KIAA1217: variants seen among roughly 807,000 people sequenced by gnomAD.
The protein encoded by KIAA1217 is KIAA1217, also known as sickle tail protein homolog.
In KIAA1217, 88 loss-of-function variants were observed where a neutral mutation model predicts 163.9. The ratio of observed to expected loss-of-function variants is 0.54; its 90% CI spans 0.45 to 0.64. The LOEUF is 0.64. KIAA1217 is among the 30% of genes least tolerant of loss of function. The pLI is 0.00. For missense variants in KIAA1217, 2,372 were observed against 2,475.0 expected, an observed-to-expected ratio of 0.96 and a Z score of 0.88; for synonymous variants, 903 against 923.1, an observed-to-expected ratio of 0.98 and a Z score of 0.39.
At chr10:24,159,932 A>C (rs1331990815) in intron 2 of KIAA1217, among the ~76,000 whole-genome samples, 4 of 152,310 alleles carry the variant, frequency 2.6e-5, no homozygotes, top group African/African-American at 9.6e-5. Flanking sequence ...TTTGATATCT[A>C]ATTGTTCTAG....
intron 2 of KIAA1217, among the ~76,000 whole-genome samples, chr10:24,131,876 T>C (rs1053394977): frequency 6.6e-6 from 1 of 152,126 alleles, no homozygotes; most frequent in African/African-American, 2.4e-5. Flanking sequence ...ATTTTAGAAG[T>C]GTATCATTAG....
chr10:23,794,201 A>G (rs1370640984), intron 1 of KIAA1217, among the ~76,000 whole-genome samples: 3 of 152,162 alleles, frequency 2.0e-5, no homozygotes, highest in East Asian at 1.9e-4. Flanking sequence ...ATGCTACTCC[A>G]TGTCCCATTC....
At chr10:24,125,727 T>C (rs2131791959) in intron 2 of KIAA1217, among the ~76,000 whole-genome samples, 1 of 152,266 alleles carries the variant, frequency 6.6e-6, no homozygotes, top group East Asian at 1.9e-4. Flanking sequence ...TTGAGTCCAT[T>C]AGGCTTATTT....
chr10:24,259,058 C>T (rs779146891), intron 2 of KIAA1217, among the ~76,000 whole-genome samples: 6 of 152,140 alleles, frequency 3.9e-5, no homozygotes, highest in Non-Finnish European at 8.8e-5. Context: ...GGTTAAGCTG[C>T]TTCTACCCTG....
rs551663335 is a variant in KIAA1217 at position 24,469,864 on chromosome 10, G to A, written c.847-3364G>A. 8.0e-4 allele frequency among the ~76,000 whole-genome samples: 122 copies of A among 152,168 alleles called. 1 individual carries two copies. The highest frequency in any genetic ancestry group is 1.5e-3 in the Admixed American group (23 of 15,274). On this transcript the variant is annotated intron_variant, in intron 5 of 20. Coordinates refer to ENST00000376454, the MANE Select transcript of KIAA1217 (RefSeq NM_019590.5). Reference sequence around the variant, plus strand: ...TGACCTCAAGTGATCCGCCTGCCTCGGCCTCCCAAAGTGCTGGGATTACAG... The same window carrying A: ...TGACCTCAAGTGATCCGCCTGCCTCAGCCTCCCAAAGTGCTGGGATTACAG...
chr10:24,014,743 T>C (rs1183424030), intron 2 of KIAA1217, among the ~76,000 whole-genome samples: 1 of 152,160 alleles, frequency 6.6e-6, no homozygotes, highest in Non-Finnish European at 1.5e-5. Context: ...GTTTTTGAAA[T>C]ATGGCCAAGT....
chr10:24,030,482 C>T (rs1025905848), intron 2 of KIAA1217, among the ~76,000 whole-genome samples: 2 of 152,150 alleles, frequency 1.3e-5, no homozygotes, highest in Admixed American at 1.3e-4. Context: ...TTTCCTGAGG[C>T]CTCTTCAGCC....
At chr10:23,958,672 A>T (rs905830134) in intron 1 of KIAA1217, among the ~76,000 whole-genome samples, 2 of 152,122 alleles carry the variant, frequency 1.3e-5, no homozygotes, top group South Asian at 2.1e-4. Flanking sequence ...AGAGAGAGAG[A>T]GAGAGTGAGA....
intron 9 of KIAA1217, among the ~76,000 whole-genome samples, chr10:24,510,139 G>A (rs1387965275): frequency 6.6e-6 from 1 of 152,160 alleles, no homozygotes; most frequent in Non-Finnish European, 1.5e-5. Flanking sequence ...AGAACAACTT[G>A]GGGTGGTGGG....
chr10:24,167,217 G>A (rs2065393293), intron 2 of KIAA1217, among the ~76,000 whole-genome samples: 1 of 151,418 alleles, frequency 6.6e-6, no homozygotes, highest in Admixed American at 6.6e-5. Context: ...TCATCTTTCT[G>A]ATAAAAAGCA....
At chr10:24,046,738 A>C (rs1849058259) in intron 2 of KIAA1217, among the ~76,000 whole-genome samples, 4 of 152,192 alleles carry the variant, frequency 2.6e-5, no homozygotes, top group Admixed American at 2.6e-4. Flanking sequence ...TTTGGATGGC[A>C]ACATAGAGCC....
chr10:23,946,664 G>A lies in KIAA1217; in HGVS notation c.-320-60561G>A, dbSNP rs573628769. ...TTATTATTGTTATGCTTACCTGCAG[G>A]ACAACATTATCATCACATAACAGCC... On this transcript the variant is annotated intron_variant, in intron 1 of 18. Coordinates refer to the KIAA1217 transcript ENST00000376462. Among the ~76,000 whole-genome samples, 4 of 151,986 alleles carry A rather than the reference G, an allele frequency of 2.6e-5. No homozygotes were observed. In the South Asian group the frequency reaches 6.2e-4, roughly 24 times the overall value.
At chr10:24,003,245 G>C (rs1317388998) in intron 1 of KIAA1217, among the ~76,000 whole-genome samples, 1 of 152,126 alleles carries the variant, frequency 6.6e-6, no homozygotes, top group Non-Finnish European at 1.5e-5. Context: ...GTTTTCCATA[G>C]TAGTTGTACT....
chr10:23,830,001 G>A (rs1474719087), intron 1 of KIAA1217, among the ~76,000 whole-genome samples: 1 of 152,176 alleles, frequency 6.6e-6, no homozygotes, highest in African/African-American at 2.4e-5. Context: ...CTGAATGGCT[G>A]CTAATGTTTA....
chr10:24,167,372 A>C (rs2065406882), intron 2 of KIAA1217, among the ~76,000 whole-genome samples: 1 of 151,816 alleles, frequency 6.6e-6, no homozygotes, highest in African/African-American at 2.4e-5. Context: ...TTGTCCTCTC[A>C]CAATATTGTA....
At chr10:24,012,225 A>G (rs1589232305) in intron 2 of KIAA1217, among the ~76,000 whole-genome samples, 4 of 152,280 alleles carry the variant, frequency 2.6e-5, no homozygotes, top group African/African-American at 9.6e-5. Flanking sequence ...AAAGGACTCC[A>G]AAATGGTGGT....
At chr10:24,109,936 G>T (rs1318782454) in intron 2 of KIAA1217, among the ~76,000 whole-genome samples, 2 of 152,226 alleles carry the variant, frequency 1.3e-5, no homozygotes, top group Admixed American at 6.5e-5. Context: ...CACGATCACT[G>T]CTCACTGCAG....
At chr10:23,709,139 G>A (rs941081210) in intron 1 of KIAA1217, among the ~76,000 whole-genome samples, 9 of 152,128 alleles carry the variant, frequency 5.9e-5, no homozygotes, top group South Asian at 4.1e-4. Flanking sequence ...TTGACTGGCC[G>A]TTGCCCCACC....
chr10:24,455,425 T>C (rs1407655967), intron 5 of KIAA1217, among the ~76,000 whole-genome samples: 1 of 152,240 alleles, frequency 6.6e-6, no homozygotes, highest in Non-Finnish European at 1.5e-5. Flanking sequence ...TCCCAATCTT[T>C]GCTCTGCCAA....
Sources: gnomAD v4.1 joint callset for allele counts (sites outside exome capture counted in the v4.1 genomes callset) on GRCh38, gnomAD v4.1.1 for gene constraint, MANE v1.5 for transcripts, NCBI Gene and HGNC (gene_info 2026-07-23, HGNC 2026-07-21) for gene names.